Variants in TSHZ2 observed in about 807,000 individuals in gnomAD.
TSHZ2 encodes teashirt zinc finger homeobox 2, also known as teashirt homolog 2.
TSHZ2 carries 21 observed loss-of-function variants against 74.4 expected under a neutral mutation model. The ratio of observed to expected loss-of-function variants is 0.28; its 90% CI spans 0.20 to 0.41. The LOEUF (loss-of-function observed/expected upper bound fraction) is 0.41. Ranked by LOEUF, TSHZ2 falls within the 10% of genes least tolerant of loss-of-function variation. TSHZ2 has a pLI of 1.00. For synonymous variants in TSHZ2, 540 were observed against 515.3 expected, an observed-to-expected ratio of 1.05 and a Z score of -0.65; for missense variants, 1,244 against 1,293.5, an observed-to-expected ratio of 0.96 and a Z score of 0.59.
chr20:53,154,316 GT>G (rs1033567629), intron 1 of TSHZ2, among the ~76,000 whole-genome samples: 3 of 102,764 alleles, frequency 2.9e-5, no homozygotes, highest in Non-Finnish European at 4.8e-5. Context: ...AGAAGTAAAT[GT>G]TTTTTTAACA....
intron 1 of TSHZ2, among the ~76,000 whole-genome samples, chr20:53,007,987 GT>G (rs1982708239): frequency 6.6e-6 from 1 of 152,044 alleles, no homozygotes. Context: ...TCAAGCCTAT[GT>G]TTGTAAAGAA....
At chr20:53,331,934 C>T (rs566818999) in intron 2 of TSHZ2, among the ~76,000 whole-genome samples, 1 of 152,128 alleles carries the variant, frequency 6.6e-6, no homozygotes, top group South Asian at 2.1e-4. Flanking sequence ...GACTCTCGGT[C>T]AGGGGTTGGA....
chr20:53,461,760 A>C (rs1985380965), intron 2 of TSHZ2, among the ~76,000 whole-genome samples: 1 of 152,202 alleles, frequency 6.6e-6, no homozygotes, highest in African/African-American at 2.4e-5. Context: ...TCTGGTCTAA[A>C]ATTAACATCT....
At chr20:53,366,167 CTGT>C (rs1298339644) in intron 2 of TSHZ2, among the ~76,000 whole-genome samples, 1 of 152,154 alleles carries the variant, frequency 6.6e-6, no homozygotes, top group Non-Finnish European at 1.5e-5. Flanking sequence ...TTCTCCAGGG[CTGT>C]TATTTTGGAG....
chr20:53,027,884 A>T (rs1456075107), intron 1 of TSHZ2, among the ~76,000 whole-genome samples: 4 of 152,078 alleles, frequency 2.6e-5, no homozygotes, highest in Admixed American at 1.3e-4. Flanking sequence ...GTGGTTAGAT[A>T]TTTTTTTTAA....
At chr20:53,131,830 C>A (rs899604460) in intron 1 of TSHZ2, among the ~76,000 whole-genome samples, 2 of 115,286 alleles carry the variant, frequency 1.7e-5, no homozygotes, top group Non-Finnish European at 3.7e-5. Flanking sequence ...CCCCCCCCCC[C>A]CCCCAAAAAA....
At chr20:53,359,760 A>C (rs762967151) in intron 2 of TSHZ2, among the ~76,000 whole-genome samples, 1 of 152,194 alleles carries the variant, frequency 6.6e-6, no homozygotes, top group Non-Finnish European at 1.5e-5. Context: ...GAGGGAAAGG[A>C]GATCAAGTCA....
At chr20:53,377,856 T>C (rs571449528) in intron 2 of TSHZ2, among the ~76,000 whole-genome samples, 1 of 152,014 alleles carries the variant, frequency 6.6e-6, no homozygotes, top group African/African-American at 2.4e-5. Context: ...GAGTGAGACC[T>C]TGTCTCAAAA....
Position 52,975,522 on chromosome 20 carries a change from G to GGT in TSHZ2, c.40+2206_40+2207dup, listed in dbSNP as rs11470780. ...TTATTGGTGTGTGTGGGTGTGTGGG[G>GGT]GTGTGTGTGTGTGTGTGTTAGAAAC... On this transcript the variant is annotated intron_variant, in intron 1 of 2. Transcript: ENST00000371497. Among the ~76,000 whole-genome samples, 71 of 150,196 alleles carry GGT rather than the reference G, an allele frequency of 4.7e-4. 2 individuals carry two copies. Among genetic ancestry groups the GGT allele is most frequent in the South Asian group, 2.9e-3 (14 of 4,774 alleles).
At chr20:53,411,425 G>A in intron 2 of TSHZ2, among the ~76,000 whole-genome samples, 1 of 152,166 alleles carries the variant, frequency 6.6e-6, no homozygotes, top group Non-Finnish European at 1.5e-5. Flanking sequence ...TAAGAGCAGA[G>A]CTTTAGAATC....
At chr20:53,154,950 C>T (rs1482903728) in intron 1 of TSHZ2, among the ~76,000 whole-genome samples, 4 of 151,472 alleles carry the variant, frequency 2.6e-5, no homozygotes, top group Non-Finnish European at 2.9e-5. Flanking sequence ...CTAAATATTA[C>T]CTTCTGTATA....
At chr20:53,315,787 A>T (rs940216673) in intron 2 of TSHZ2, among the ~76,000 whole-genome samples, 1 of 152,244 alleles carries the variant, frequency 6.6e-6, no homozygotes, top group African/African-American at 2.4e-5. Flanking sequence ...TAACTAATCC[A>T]TTATAATTGC....
intron 1 of TSHZ2, among the ~76,000 whole-genome samples, chr20:53,110,037 A>G (rs1453195154): frequency 6.6e-6 from 1 of 152,134 alleles, no homozygotes; most frequent in Non-Finnish European, 1.5e-5. Flanking sequence ...TTTTCACCTA[A>G]CAATTCCTAT....
intron 1 of TSHZ2, among the ~76,000 whole-genome samples, chr20:53,095,978 T>C (rs145277374): frequency 6.6e-6 from 1 of 152,260 alleles, no homozygotes; most frequent in Non-Finnish European, 1.5e-5. Flanking sequence ...TTCATTTTAC[T>C]CTCTTTCTCC....
intron 1 of TSHZ2, among the ~76,000 whole-genome samples, chr20:53,121,190 GTGTC>G (rs1986799985): frequency 6.6e-6 from 1 of 152,160 alleles, no homozygotes; most frequent in Non-Finnish European, 1.5e-5. Flanking sequence ...CTCCATATGT[GTGTC>G]TGTGTGTGTA....
chr20:53,188,811 C>T (rs928476020), intron 1 of TSHZ2, among the ~76,000 whole-genome samples: 6 of 152,082 alleles, frequency 3.9e-5, no homozygotes, highest in South Asian at 2.1e-4. Context: ...ACGGTTCTTA[C>T]GTATATAAGA....
At chr20:53,353,201 G>A (rs1168108465) in intron 2 of TSHZ2, among the ~76,000 whole-genome samples, 1 of 152,182 alleles carries the variant, frequency 6.6e-6, no homozygotes, top group Non-Finnish European at 1.5e-5. Flanking sequence ...CAGGTTGGAA[G>A]ATGGCCTGGA....
chr20:53,031,648 A>G (rs553900073), intron 1 of TSHZ2, among the ~76,000 whole-genome samples: 23 of 152,218 alleles, frequency 1.5e-4, no homozygotes, highest in Admixed American at 1.4e-3. Context: ...GAGGAGCTTC[A>G]CTCTGTAGTG....
At chr20:53,184,895 A>T (rs1988564540) in intron 1 of TSHZ2, among the ~76,000 whole-genome samples, 1 of 152,070 alleles carries the variant, frequency 6.6e-6, no homozygotes. Context: ...TTTAGTATAG[A>T]TGGGATTTCA....
Sources: gnomAD v4.1 joint callset for allele counts (sites outside exome capture counted in the v4.1 genomes callset) on GRCh38, gnomAD v4.1.1 for gene constraint, MANE v1.5 for transcripts, NCBI Gene and HGNC (gene_info 2026-07-23, HGNC 2026-07-21) for gene names.